ACAP3: variants seen among roughly 807,000 people sequenced by gnomAD.
ACAP3 encodes the protein arf-GAP with coiled-coil, ANK repeat and PH domain-containing protein 3.
ACAP3 carries 56 observed loss-of-function variants against 104.1 expected under a neutral mutation model. That is an observed-to-expected ratio of 0.54 (90% CI 0.43 to 0.67). The LOEUF is 0.67. ACAP3 is among the 30% of genes least tolerant of loss of function. The pLI is 0.00. For synonymous variants in ACAP3, 628 were observed against 496.2 expected (o/e 1.27, Z -3.53); for missense variants, 1,208 against 1,174.9 (o/e 1.03, Z -0.41).
At chr1:1,304,969 G>T (rs1260702619) in intron 1 of ACAP3, 1 of 152,360 alleles carries the variant, frequency 6.6e-6, no homozygotes, top group African/African-American at 2.4e-5. Flanking sequence ...GCCTCCTGGG[G>T]ATTGGGCACC....
In ACAP3 at chr1:1,303,337, C is replaced by G. The variant is rs762729000; in HGVS notation, c.106-56G>C. The G allele has an allele frequency of 2.9e-4, 447 of 1,537,722 alleles. No individual in the cohort carries two copies. Among genetic ancestry groups the G allele is most frequent in the Non-Finnish European group, 3.8e-4 (431 of 1,139,770 alleles). On this transcript the variant is annotated intron_variant, in intron 2 of 23. Transcript: ENST00000354700. The surrounding 1 kb of genome is among the most constrained non-coding windows in gnomAD (Gnocchi z 4.0). The stretch of plus-strand genomic sequence containing the variant: ...TGGGCACTGGCGCCTGCACTCGCCA[C>G]CACACACGGCCACTCAGAGGCAGGA...
At chr1:1,297,628 G>C (rs1401540615) in intron 14 of ACAP3, among the ~76,000 whole-genome samples, 194 bp downstream of exon 14, 1 of 75,684 alleles carries the variant, frequency 1.3e-5, no homozygotes, top group Admixed American at 1.2e-4. Flanking sequence ...CACGGGGCAG[G>C]GGCCATCCCC....
intron 23 of ACAP3, 21 bp downstream of exon 23, chr1:1,293,802 C>G (rs779216292): frequency 6.4e-7 from 1 of 1,563,978 alleles, no homozygotes; most frequent in East Asian, 2.4e-5. Flanking sequence ...CGCCCAGCCC[C>G]GAGGGCCCGG....
Position 1,300,591 on chromosome 1 carries a change from G to T in ACAP3, c.440C>A (p.Pro147His), listed in dbSNP as rs776554204. 17 of 1,610,546 alleles carry T rather than the reference G, an allele frequency of 1.1e-5. No homozygotes were observed. Among genetic ancestry groups the T allele is most frequent in the Non-Finnish European group, 1.4e-5 (17 of 1,179,278 alleles). ...VRNAQAPRHR[P>H]HEVEEATGAL... ...CCCGGTGGCTTCCTCCACCTCGTGGGGCCGGTGCCTCGGGGCCTGGGCGTT... is the reference window on the plus strand; with the variant it reads ...CCCGGTGGCTTCCTCCACCTCGTGGTGCCGGTGCCTCGGGGCCTGGGCGTT... The change falls in exon 6 of 24, where the codon CCC (proline) becomes CAC (histidine). Residue 147 changes from proline (P) to histidine (H), a missense_variant. Transcript: ENST00000354700.
At chr1:1,301,090 G>T (rs1457011544) in intron 5 of ACAP3, among the ~76,000 whole-genome samples, 1 of 151,976 alleles carries the variant, frequency 6.6e-6, no homozygotes, top group African/African-American at 2.4e-5. Flanking sequence ...TTGAGACAGG[G>T]TCTGTCTCTG....
chr1:1,299,522 C>A, intron 9 of ACAP3, 166 bp from the exon 10 acceptor site: 1 of 885,830 alleles, frequency 1.1e-6, no homozygotes, highest in Middle Eastern at 3.6e-4. Context: ...TGCCTGCAGC[C>A]AACCTCTGCC....
At chr1:1,296,670 G>A (rs1388408726) in intron 14 of ACAP3, 37 bp from the exon 15 acceptor site, 3 of 1,517,040 alleles carry the variant, frequency 2.0e-6, no homozygotes, top group Admixed American at 3.9e-5. Flanking sequence ...TCCCGCAGGG[G>A]CTCCAGCATG....
chr1:1,298,980 C>G (rs1641322664), intron 10 of ACAP3: 2 of 555,442 alleles, frequency 3.6e-6, no homozygotes, highest in South Asian at 4.4e-5. Context: ...GCTGCGCCCC[C>G]ACCCTCCGCA....
rs988459676 is a variant in ACAP3, at chr1:1,303,097, G to A, written c.225+65C>T. 1.9e-6 allele frequency: 3 copies of A among 1,556,948 alleles called. No homozygotes were observed. The highest frequency in any genetic ancestry group is 2.7e-5 in the African/African-American group (2 of 73,442). ...CTGCTTCTGGCCTGGACGCCCTCAA[G>A]GGGCTGCCTCCCTCGGCCTCTCCCC... On this transcript the variant is annotated intron_variant, in intron 3 of 23. Coordinates refer to ENST00000354700, the MANE Select transcript of ACAP3 (RefSeq NM_030649.3). The surrounding 1 kb of genome is among the most constrained non-coding windows in gnomAD (Gnocchi z 4.0).
chr1:1,302,372 G>A (rs1023371023), intron 4 of ACAP3, among the ~76,000 whole-genome samples: 10 of 152,250 alleles, frequency 6.6e-5, no homozygotes, highest in East Asian at 3.9e-4. Flanking sequence ...CCCTGCAGCA[G>A]GGAGCACTCA....
chr1:1,307,085 G>T, intron 1 of ACAP3: 1 of 938,562 alleles, frequency 1.1e-6, no homozygotes, highest in South Asian at 1.4e-5. Flanking sequence ...GGGATGCAGA[G>T]AGGTTTCTTT....
At position 1,294,558 on chromosome 1, in the gene ACAP3, C is replaced by A. The variant is rs1053375951; in HGVS notation, c.1983G>T (p.Ala661=). ...GCCCCGGGTGCAGCTCGCGCACGTC[C>A]GCCAGGCCCCAGGCCTCGGCCTCAG... ...GDTEAEAWGL[A]DVRELHPGLL... The change falls in exon 21 of 24, where the codon GCG becomes GCT. Residue 661 remains alanine (A), a synonymous_variant. Coordinates refer to ENST00000354700, the MANE Select transcript of ACAP3 (RefSeq NM_030649.3). The A allele has an allele frequency of 4.0e-6, 6 of 1,502,656 alleles. No individual in the cohort carries two copies. The highest frequency in any genetic ancestry group is 5.3e-6 in the Non-Finnish European group (6 of 1,134,918). 93.1% of individuals were successfully genotyped at this position (1,502,656 alleles called of 1,614,324 possible).
At chr1:1,299,475 C>T (rs1176211953) in intron 9 of ACAP3, 119 bp from the exon 10 acceptor site, 1 of 1,229,194 alleles carries the variant, frequency 8.1e-7, no homozygotes, top group East Asian at 2.8e-5. Context: ...GTCCCCAACT[C>T]CTGGGGGGCT....
At chr1:1,305,578 T>C (rs367631386) in intron 1 of ACAP3, 3 of 152,086 alleles carry the variant, frequency 2.0e-5, no homozygotes, top group African/African-American at 7.3e-5. Context: ...GGGGACAGGG[T>C]GGGCCCTGGC....
In ACAP3 at chr1:1,300,499, T is replaced by C. The variant is rs752125607; in HGVS notation, c.522+10A>G. 2.5e-6 allele frequency: 4 copies of C among 1,603,512 alleles called. No homozygotes were observed. The highest frequency in any genetic ancestry group is 3.4e-6 in the Non-Finnish European group (4 of 1,175,902). On this transcript the variant is annotated intron_variant, in intron 6 of 23. Coordinates refer to ENST00000354700, the MANE Select transcript of ACAP3 (RefSeq NM_030649.3). ...TGGTCCCCGCCCCCCAGCCCATTTCTGGGGCTGACCTGGAGCACATAGTCC... is the reference window on the plus strand; with the variant it reads ...TGGTCCCCGCCCCCCAGCCCATTTCCGGGGCTGACCTGGAGCACATAGTCC...
chr1:1,295,392 A>C lies in ACAP3; in HGVS notation c.1813+55T>G. On this transcript the variant is annotated intron_variant, in intron 19 of 23. Transcript: ENST00000354700. ...GGCCATCCACACTCAGGCACCCTTC[A>C]GGCCAGCCTCCTTGGCCCTGCCCTG... 4 of 1,536,064 alleles carry C rather than the reference A, an allele frequency of 2.6e-6. No homozygotes were observed. In the Admixed American group the frequency reaches 6.7e-5, roughly 26 times the overall value.
At position 1,298,629 on chromosome 1, in the gene ACAP3, A is replaced by C; in HGVS notation, c.801T>G (p.Ser267Arg). Residue 267 changes from serine to arginine, a missense_variant, in exon 11 of 24, where the codon AGT (serine) becomes AGG (arginine). By Grantham distance (110) the Ser-to-Arg change is moderately radical. Coordinates refer to ENST00000354700, the MANE Select transcript of ACAP3 (RefSeq NM_030649.3). Reference sequence around the variant, plus strand: ...AGAGGTAGCCCTCCATCACCACCCCACTGGGCGCGTCCACGTCAAACTCCA... The same window carrying C: ...AGAGGTAGCCCTCCATCACCACCCCCCTGGGCGCGTCCACGTCAAACTCCA... ...SKVEFDVDAP[S>R]GVVMEGYLFK... The C allele has an allele frequency of 6.2e-7, 1 of 1,607,064 alleles. No individual in the cohort carries two copies. Among genetic ancestry groups the C allele is most frequent in the Non-Finnish European group, 8.5e-7 (1 of 1,178,524 alleles).
At chr1:1,306,066 C>T (rs957485971) in intron 1 of ACAP3, 12 of 152,480 alleles carry the variant, frequency 7.9e-5, no homozygotes, top group African/African-American at 2.4e-4. Context: ...CAGCCTAACC[C>T]CAAAACCCAC....
rs574689077 is a variant in ACAP3, at chr1:1,294,573, C to G, written c.1968G>C (p.Glu656Asp). 5 of 1,511,418 alleles carry G rather than the reference C, an allele frequency of 3.3e-6. No homozygotes were observed. The highest frequency in any genetic ancestry group is 4.4e-6 in the Non-Finnish European group (5 of 1,137,520). The allele number at this position is 1,511,418 out of a possible 1,614,324, so 93.6% of individuals were successfully genotyped here. A position where few individuals can be genotyped will look rare whatever the true frequency, so the allele number is the denominator to read the frequency against. ...SGEADGDTEA[E>D]AWGLADVREL... ...CGCGCACGTCCGCCAGGCCCCAGGCCTCGGCCTCAGTGTCCCCGTCTGCCT... is the reference window on the plus strand; with the variant it reads ...CGCGCACGTCCGCCAGGCCCCAGGCGTCGGCCTCAGTGTCCCCGTCTGCCT... The change falls in exon 21 of 24, where the codon GAG (glutamate) becomes GAC (aspartate). Residue 656 changes from glutamate to aspartate, a missense_variant. Glu to Asp is a conservative substitution (Grantham distance 45). Transcript: ENST00000354700.
Sources: gnomAD v4.1 joint callset for allele counts (sites outside exome capture counted in the v4.1 genomes callset) on GRCh38, gnomAD v4.1.1 for gene constraint, Gnocchi (gnomAD v3.1) non-coding constraint, MANE v1.5 for transcripts, NCBI Gene and HGNC (gene_info 2026-07-23, HGNC 2026-07-21) for gene names.